Variants in CSMD1 observed in about 807,000 individuals in gnomAD.
CSMD1 encodes the protein CUB and sushi domain-containing protein 1.
CSMD1 carries 213 observed loss-of-function variants against 417.5 expected under a neutral mutation model. The ratio of observed to expected loss-of-function variants is 0.51; its 90% CI spans 0.46 to 0.57. The LOEUF (loss-of-function observed/expected upper bound fraction) is 0.57, where lower values mean the gene tolerates loss of function less well. Among genes scored for constraint, CSMD1 ranks in the 20% least tolerant of loss-of-function variants. CSMD1 has a pLI of 0.00. For missense variants in CSMD1, 6,923 were observed against 4,529.7 expected, an observed-to-expected ratio of 1.53 and a Z score of -15.17; for synonymous variants, 2,862 against 1,736.8, an observed-to-expected ratio of 1.65 and a Z score of -16.11.
At chr8:4,879,422 G>T (rs1443666428) in intron 1 of CSMD1, among the ~76,000 whole-genome samples, 1 of 152,054 alleles carries the variant, frequency 6.6e-6, no homozygotes, top group Admixed American at 6.6e-5. Flanking sequence ...ATATGAAGAA[G>T]AATTAGGAGG....
At chr8:3,241,074 T>C (rs1799473291) in intron 26 of CSMD1, among the ~76,000 whole-genome samples, 1 of 149,854 alleles carries the variant, frequency 6.7e-6, no homozygotes, top group Admixed American at 6.8e-5. Flanking sequence ...GGTGAGGGGA[T>C]ACAAGAGGAG....
At chr8:3,206,324 T>C (rs1189550218) in intron 30 of CSMD1, among the ~76,000 whole-genome samples, 1 of 131,952 alleles carries the variant, frequency 7.6e-6, no homozygotes, top group Admixed American at 7.9e-5. Context: ...GTGTGTGTGG[T>C]ATGTGTGTAT....
chr8:4,398,336 T>C (rs765113298), intron 3 of CSMD1, among the ~76,000 whole-genome samples: 2 of 151,884 alleles, frequency 1.3e-5, no homozygotes, highest in Non-Finnish European at 2.9e-5. Context: ...TTAGGACTGA[T>C]AGCTTTAAAA....
intron 10 of CSMD1, among the ~76,000 whole-genome samples, chr8:3,502,424 A>T (rs565960579): frequency 6.6e-6 from 1 of 151,574 alleles, no homozygotes; most frequent in Non-Finnish European, 1.5e-5. Flanking sequence ...GTACGTTTAT[A>T]GCAACTTTAT....
rs1395604314 is a variant in CSMD1 at position 4,059,789 on chromosome 8, T to G, written c.416-27690A>C. On this transcript the variant is annotated intron_variant, in intron 3 of 69. Coordinates refer to ENST00000635120, the MANE Select transcript of CSMD1 (RefSeq NM_033225.6). ...AGACCAATAACAGGAGCTGCAATTG[T>G]GGCAATAATCAATAGCTTACCAACC... Among the ~76,000 whole-genome samples the G allele has an allele frequency of 1.1e-4, 17 of 151,890 alleles. No homozygotes were observed. The East Asian group carries it at 2.5e-3, about 23-fold the overall frequency.
At chr8:3,214,457 G>T in intron 30 of CSMD1, 40 bp downstream of exon 30, 1 of 1,459,196 alleles carries the variant, frequency 6.9e-7, no homozygotes, top group Non-Finnish European at 9.2e-7. Flanking sequence ...CATTTTAAAG[G>T]AAAGTTGTAT....
chr8:3,446,688 G>C (rs570709217), intron 12 of CSMD1, among the ~76,000 whole-genome samples: 6 of 152,298 alleles, frequency 3.9e-5, no homozygotes, highest in Admixed American at 3.3e-4. Context: ...AAGGTAAATA[G>C]GAACACATGC....
chr8:4,455,627 G>A (rs1799420199), intron 2 of CSMD1, among the ~76,000 whole-genome samples: 1 of 151,816 alleles, frequency 6.6e-6, no homozygotes, highest in South Asian at 2.1e-4. Context: ...CTTTCAGGAG[G>A]AAAAACATAA....
rs138325562 is a variant in CSMD1, at chr8:3,861,090, C to A, written c.819-107048G>T. ...TCAGTATCAGCTGTAATGCCAACTTCTAGTGAGCTCGAAAACAGGACGTGG... is the reference window on the plus strand; with the variant it reads ...TCAGTATCAGCTGTAATGCCAACTTATAGTGAGCTCGAAAACAGGACGTGG... On this transcript the variant is annotated intron_variant, in intron 5 of 69. Transcript: ENST00000635120. Among the ~76,000 whole-genome samples the A allele has an allele frequency of 2.6e-5, 4 of 152,284 alleles. No homozygotes were observed. In the South Asian group the frequency reaches 8.3e-4, roughly 32 times the overall value.
chr8:3,108,752 G>A lies in CSMD1; in HGVS notation c.6609-4C>T, dbSNP rs755472225. On this transcript the variant is annotated splice_region_variant and splice_polypyrimidine_tract_variant and intron_variant, in intron 43 of 69. Coordinates refer to ENST00000635120, the MANE Select transcript of CSMD1 (RefSeq NM_033225.6). Reference sequence around the variant, plus strand: ...TGAGTTCTGATCGGGACCGTCCCTAGGAAAGACAGAAAGAGGTGGCTGGCT... The same window carrying A: ...TGAGTTCTGATCGGGACCGTCCCTAAGAAAGACAGAAAGAGGTGGCTGGCT... 2 of 1,605,576 alleles carry A rather than the reference G, an allele frequency of 1.2e-6. No individual in the cohort carries two copies. Among genetic ancestry groups the A allele is most frequent in the South Asian group, 1.1e-5 (1 of 90,040 alleles).
At chr8:3,808,226 G>C (rs1259579527) in intron 5 of CSMD1, among the ~76,000 whole-genome samples, 1 of 152,082 alleles carries the variant, frequency 6.6e-6, no homozygotes, top group Non-Finnish European at 1.5e-5. Flanking sequence ...TATACTAAGA[G>C]ATATACTACA....
At chr8:3,830,188 G>A (rs1035667524) in intron 5 of CSMD1, among the ~76,000 whole-genome samples, 1 of 152,186 alleles carries the variant, frequency 6.6e-6, no homozygotes, top group Non-Finnish European at 1.5e-5. Context: ...GATTTATGAA[G>A]TGGAACAAGG....
intron 1 of CSMD1, among the ~76,000 whole-genome samples, chr8:4,647,924 A>G (rs1365795654): frequency 6.6e-6 from 1 of 152,184 alleles, no homozygotes; most frequent in Admixed American, 6.5e-5. Context: ...TCCTTTGGGT[A>G]TATACCCAGT....
At chr8:3,867,859 G>C (rs1351213091) in intron 5 of CSMD1, among the ~76,000 whole-genome samples, 2 of 152,018 alleles carry the variant, frequency 1.3e-5, no homozygotes, top group Non-Finnish European at 2.9e-5. Flanking sequence ...GAAGAAGCAT[G>C]GACCACTGGC....
chr8:4,682,955 CATATATATATATATATATAT>C (rs10566841), intron 1 of CSMD1, among the ~76,000 whole-genome samples: 12 of 118,490 alleles, frequency 1.0e-4, no homozygotes, highest in South Asian at 2.9e-4. Flanking sequence ...TAAGTATCTT[CATATATATATATATATATAT>C]ATATATATAT....
intron 1 of CSMD1, among the ~76,000 whole-genome samples, chr8:4,723,792 AAAAAAAAAC>A (rs1809224517): frequency 1.4e-5 from 2 of 145,972 alleles, no homozygotes; most frequent in Non-Finnish European, 3.0e-5. Flanking sequence ...GAATGTAAAA[AAAAAAAAAC>A]AAAAAAAAAA....
intron 1 of CSMD1, among the ~76,000 whole-genome samples, chr8:4,784,885 C>T (rs1404564406): frequency 6.6e-6 from 1 of 152,078 alleles, no homozygotes; most frequent in Non-Finnish European, 1.5e-5. Context: ...TATTCCAGCC[C>T]TTGAGCGAAT....
At chr8:3,409,854 C>G (rs556033370) in intron 12 of CSMD1, among the ~76,000 whole-genome samples, 1 of 152,182 alleles carries the variant, frequency 6.6e-6, no homozygotes, top group South Asian at 2.1e-4. Flanking sequence ...TACACAGATA[C>G]GCTGACAACA....
At chr8:4,396,822 G>A (rs746693833) in intron 3 of CSMD1, among the ~76,000 whole-genome samples, 5 of 152,044 alleles carry the variant, frequency 3.3e-5, no homozygotes, top group Non-Finnish European at 7.4e-5. Flanking sequence ...AGAAGTGGGA[G>A]CTAAGCTATG....
Sources: allele counts gnomAD v4.1 joint callset (sites outside exome capture counted in the v4.1 genomes callset), GRCh38; gene constraint gnomAD v4.1.1; transcripts MANE v1.5; gene names NCBI Gene and HGNC (gene_info 2026-07-23, HGNC 2026-07-21).